CAMTA1: variants seen among roughly 807,000 people sequenced by gnomAD.
The protein encoded by CAMTA1 is calmodulin-binding transcription activator 1.
A neutral mutation model predicts 170.9 loss-of-function variants in CAMTA1; 27 were observed. That is an observed-to-expected ratio of 0.16 (90% CI 0.12 to 0.22). The LOEUF (loss-of-function observed/expected upper bound fraction) is 0.22, where lower values mean the gene tolerates loss of function less well. CAMTA1 is among the 10% of genes least tolerant of loss of function. CAMTA1 has a pLI of 1.00. For synonymous variants in CAMTA1, 833 were observed against 891.5 expected (o/e 0.93, Z 1.17); for missense variants, 1,619 against 2,217.2 (o/e 0.73, Z 5.42).
chr1:7,270,244 T>TACACAC lies in CAMTA1; in HGVS notation c.438+20644_438+20649dup, dbSNP rs57280188. Among the ~76,000 whole-genome samples, 18 of 127,218 alleles carry TACACAC rather than the reference T, an allele frequency of 1.4e-4. 1 individual carries two copies. Among genetic ancestry groups the TACACAC allele is most frequent in the African/African-American group, 5.6e-4 (18 of 31,988 alleles). 83.5% of individuals were successfully genotyped at this position (127,218 alleles called of 152,430 possible). A position where few individuals can be genotyped will look rare whatever the true frequency, so the allele number is the denominator to read the frequency against. Reference sequence around the variant, plus strand: ...ATACATATATATACACATATATACATACACACACACACACACACACACACA... The same window carrying TACACAC: ...ATACATATATATACACATATATACATACACACACACACACACACACACACACACACA... On this transcript the variant is annotated intron_variant, in intron 5 of 22. Transcript: ENST00000303635.
At chr1:7,637,894 A>G (rs191532735) in intron 6 of CAMTA1, among the ~76,000 whole-genome samples, 134 of 152,312 alleles carry the variant, frequency 8.8e-4, no homozygotes, top group African/African-American at 3.2e-3. Context: ...TATGTCAGGG[A>G]TTATCGTGAT....
Position 7,751,085 on chromosome 1 carries a change from T to C in CAMTA1, c.4690-114T>C, listed in dbSNP as rs1176036073. 13 of 849,376 alleles carry C rather than the reference T, an allele frequency of 1.5e-5. No individual in the cohort carries two copies. The East Asian group carries it at 3.2e-4, about 21-fold the overall frequency. The allele number at this position is 849,376 out of a possible 1,614,324, so 52.6% of individuals were successfully genotyped here. On this transcript the variant is annotated intron_variant, in intron 19 of 22. Coordinates refer to ENST00000303635, the MANE Select transcript of CAMTA1 (RefSeq NM_015215.4). ...GTGATTAAACCCCGGACAGAGAATG[T>C]GATAATAGAGGGGAAAAGCATTTTC...
rs2095273028 is a variant in CAMTA1 at position 7,582,863 on chromosome 1, C to A, written c.511-57537C>A. Among the ~76,000 whole-genome samples the A allele has an allele frequency of 2.0e-5, 3 of 151,904 alleles. No homozygotes were observed. In the South Asian group the frequency reaches 6.3e-4, roughly 32 times the overall value. ...CTGAGGAACCAGAAGGAAATGGGCC[C>A]TGGGCACAATAGCAGCCTCTCGGTG... is the stretch of plus-strand genomic sequence containing the variant. On this transcript the variant is annotated intron_variant, in intron 6 of 22. Transcript: ENST00000303635.
In CAMTA1 at chr1:6,965,107, G is replaced by A. The variant is rs997266855; in HGVS notation, c.235-126197G>A. 3.3e-5 allele frequency among the ~76,000 whole-genome samples: 5 copies of A among 152,198 alleles called. No homozygotes were observed. The highest frequency in any genetic ancestry group is 1.2e-4 in the African/African-American group (5 of 41,424). ...GCATGGTGCTGGCAAGGAAGAAGCAGGGCCAGCGGAAGGGCTGTATTTCTG... is the reference window on the plus strand; with the variant it reads ...GCATGGTGCTGGCAAGGAAGAAGCAAGGCCAGCGGAAGGGCTGTATTTCTG... On this transcript the variant is annotated intron_variant, in intron 3 of 22. Coordinates refer to ENST00000303635, the MANE Select transcript of CAMTA1 (RefSeq NM_015215.4). This position sits in a 1 kb window ranked among gnomAD's most constrained non-coding sequence, Gnocchi z 4.1.
At chr1:7,690,995 TCAGAAG>T (rs1175383570) in intron 11 of CAMTA1, among the ~76,000 whole-genome samples, 3 of 152,132 alleles carry the variant, frequency 2.0e-5, no homozygotes, top group African/African-American at 7.2e-5. Context: ...GTGATGAGTA[TCAGAAG>T]AAATGGATCA....
chr1:7,089,494 G>A (rs751434496), intron 3 of CAMTA1, among the ~76,000 whole-genome samples: 33 of 151,998 alleles, frequency 2.2e-4, no homozygotes, highest in Non-Finnish European at 1.2e-4. Context: ...ACTCACGTGT[G>A]CATGCATATT....
chr1:7,502,777 C>T (rs1450007179), intron 6 of CAMTA1, among the ~76,000 whole-genome samples: 4 of 152,306 alleles, frequency 2.6e-5, no homozygotes, highest in Admixed American at 6.5e-5. Flanking sequence ...GAAATGGCCT[C>T]GCTGGGCTTA....
chr1:7,262,109 C>T (rs1574281076), intron 5 of CAMTA1, among the ~76,000 whole-genome samples: 1 of 152,108 alleles, frequency 6.6e-6, no homozygotes, highest in Admixed American at 6.5e-5. Context: ...AACATAATGC[C>T]ATATTAAGTT....
chr1:7,163,919 C>T (rs1198509858), intron 4 of CAMTA1, among the ~76,000 whole-genome samples: 1 of 152,204 alleles, frequency 6.6e-6, no homozygotes, highest in Non-Finnish European at 1.5e-5. Context: ...TTAGACTGTA[C>T]ATTTTGTGTT....
intron 3 of CAMTA1, among the ~76,000 whole-genome samples, chr1:7,078,123 T>C (rs995885368): frequency 9.9e-5 from 15 of 152,268 alleles, no homozygotes; most frequent in African/African-American, 3.6e-4. Context: ...GCATAGCTTA[T>C]CCCTTGTCCT....
intron 6 of CAMTA1, among the ~76,000 whole-genome samples, chr1:7,578,561 A>G (rs1275923179): frequency 6.6e-6 from 1 of 152,208 alleles, no homozygotes; most frequent in Non-Finnish European, 1.5e-5. Flanking sequence ...AGCGGCTCCC[A>G]TATCCGTGGC....
At chr1:7,746,859 A>T (rs890687323) in intron 18 of CAMTA1, among the ~76,000 whole-genome samples, 1 of 152,128 alleles carries the variant, frequency 6.6e-6, no homozygotes, top group African/African-American at 2.4e-5. Flanking sequence ...CTGGTCTCGA[A>T]CTCTTAACCT....
At chr1:7,111,051 C>T (rs1415005510) in intron 4 of CAMTA1, among the ~76,000 whole-genome samples, 1 of 152,190 alleles carries the variant, frequency 6.6e-6, no homozygotes, top group Non-Finnish European at 1.5e-5. Context: ...GGCTAGAGGC[C>T]GCCTGCATTC....
chr1:6,824,906 G>C (rs1234963854), intron 2 of CAMTA1, among the ~76,000 whole-genome samples, 186 bp from the exon 3 acceptor site: 1 of 152,154 alleles, frequency 6.6e-6, no homozygotes, highest in Admixed American at 6.5e-5. Flanking sequence ...CTCTTGACCA[G>C]ATTCCTGCTG....
At chr1:7,274,035 G>A (rs1670227704) in intron 5 of CAMTA1, among the ~76,000 whole-genome samples, 1 of 152,108 alleles carries the variant, frequency 6.6e-6, no homozygotes, top group South Asian at 2.1e-4. Context: ...TCAAATTAAT[G>A]AAGTCAGGAA....
At chr1:6,962,607 T>C in intron 3 of CAMTA1, among the ~76,000 whole-genome samples, 1 of 117,012 alleles carries the variant, frequency 8.5e-6, no homozygotes, top group Non-Finnish European at 1.8e-5. Flanking sequence ...TTGGCTCCGT[T>C]TCACCCGCCC....
chr1:7,061,826 G>C (rs1036491673), intron 3 of CAMTA1, among the ~76,000 whole-genome samples: 6 of 152,240 alleles, frequency 3.9e-5, no homozygotes, highest in Admixed American at 1.3e-4. Context: ...CTGGGAAGAA[G>C]AGCAGGACTC....
intron 2 of CAMTA1, among the ~76,000 whole-genome samples, chr1:6,822,253 T>G (rs1646575460): frequency 6.6e-6 from 1 of 152,174 alleles, no homozygotes; most frequent in African/African-American, 2.4e-5. Context: ...TTTATCATTC[T>G]TAGTTATCCC....
In CAMTA1 at chr1:6,882,919, T is replaced by TCTTTG. The variant is rs537904141; in HGVS notation, c.234+57724_234+57728dup. Among the ~76,000 whole-genome samples the TCTTTG allele has an allele frequency of 4.6e-5, 7 of 152,176 alleles. No individual in the cohort carries two copies. In the South Asian group the frequency reaches 6.2e-4, roughly 14 times the overall value. On this transcript the variant is annotated intron_variant, in intron 3 of 22. Coordinates refer to ENST00000303635, the MANE Select transcript of CAMTA1 (RefSeq NM_015215.4). ...GGGGTGTCCTGGAAGTGCATGTTTC[T>TCTTTG]CTTTGCTTTGCTTTGCTTTTTTGAG...
Sources: gnomAD v4.1 joint callset for allele counts (sites outside exome capture counted in the v4.1 genomes callset) on GRCh38, gnomAD v4.1.1 for gene constraint, Gnocchi (gnomAD v3.1) non-coding constraint, MANE v1.5 for transcripts, NCBI Gene and HGNC (gene_info 2026-07-23, HGNC 2026-07-21) for gene names.